Variants in CREB5 observed in about 807,000 individuals in gnomAD.
CREB5 encodes the protein cAMP responsive element binding protein 5, also known as cyclic AMP-responsive element-binding protein 5.
In CREB5, 19 loss-of-function variants were observed where a neutral mutation model predicts 57.1. That is an observed-to-expected ratio of 0.33 (90% CI 0.23 to 0.49). The LOEUF (loss-of-function observed/expected upper bound fraction) is 0.49, where lower values mean the gene tolerates loss of function less well. Ranked by LOEUF, CREB5 falls within the 20% of genes least tolerant of loss-of-function variation. The pLI is 0.99. For missense variants in CREB5, 579 were observed against 671.6 expected (o/e 0.86, Z 1.52); for synonymous variants, 238 against 238.3 (o/e 1.00, Z 0.01).
At chr7:28,306,070 T>C (rs1175723276) in intron 1 of CREB5, among the ~76,000 whole-genome samples, 3 of 152,188 alleles carry the variant, frequency 2.0e-5, no homozygotes, top group Non-Finnish European at 4.4e-5. Flanking sequence ...GCTACAGTTA[T>C]TCCTGGATGG....
At chr7:28,491,115 C>A in intron 2 of CREB5, 1 of 695,298 alleles carries the variant, frequency 1.4e-6, no homozygotes, top group African/African-American at 1.9e-5. Flanking sequence ...GCGGAGGTGG[C>A]AAGCATAGAG....
intron 1 of CREB5, among the ~76,000 whole-genome samples, chr7:28,415,811 A>G (rs1583435801): frequency 3.9e-5 from 6 of 152,360 alleles, no homozygotes; most frequent in African/African-American, 1.4e-4. Flanking sequence ...GTTAAAATAA[A>G]TAACCTTTTT....
At chr7:28,641,945 T>C (rs553765414) in intron 5 of CREB5, among the ~76,000 whole-genome samples, 121 of 152,312 alleles carry the variant, frequency 7.9e-4, no homozygotes, top group African/African-American at 2.9e-3. Context: ...CGTGTGTGTA[T>C]GTGCTCCTGT....
chr7:28,335,947 G>T (rs537640303), intron 1 of CREB5, among the ~76,000 whole-genome samples: 2 of 152,194 alleles, frequency 1.3e-5, no homozygotes, highest in South Asian at 4.1e-4. Flanking sequence ...AGCATCAATT[G>T]AAATGATCAT....
chr7:28,329,279 G>A (rs771258031), intron 1 of CREB5, among the ~76,000 whole-genome samples: 9 of 152,068 alleles, frequency 5.9e-5, no homozygotes, highest in Non-Finnish European at 1.2e-4. Context: ...GGCATCATGC[G>A]CTTCATCACT....
intron 5 of CREB5, among the ~76,000 whole-genome samples, chr7:28,646,414 G>A (rs1583473547): frequency 6.6e-6 from 1 of 152,256 alleles, no homozygotes; most frequent in East Asian, 1.9e-4. Flanking sequence ...TTCTCTAAAG[G>A]CCTGGTGCTG....
At chr7:28,395,902 T>C (rs1003125313) in intron 1 of CREB5, among the ~76,000 whole-genome samples, 5 of 152,134 alleles carry the variant, frequency 3.3e-5, no homozygotes, top group African/African-American at 1.2e-4. Flanking sequence ...GCTTGCTGAA[T>C]GCATGCCATT....
intron 1 of CREB5, among the ~76,000 whole-genome samples, chr7:28,355,095 T>C (rs1786313767): frequency 6.6e-6 from 1 of 152,260 alleles, no homozygotes; most frequent in Non-Finnish European, 1.5e-5. Context: ...CATGCATTAA[T>C]GCAAGTGACT....
At chr7:28,695,042 T>C (rs1203715202) in intron 5 of CREB5, among the ~76,000 whole-genome samples, 1 of 152,084 alleles carries the variant, frequency 6.6e-6, no homozygotes, top group Non-Finnish European at 1.5e-5. Flanking sequence ...CTGAGCAATG[T>C]AGGGAGACCC....
chr7:28,331,220 T>G (rs967467545), intron 1 of CREB5, among the ~76,000 whole-genome samples: 1 of 152,136 alleles, frequency 6.6e-6, no homozygotes, highest in Non-Finnish European at 1.5e-5. Flanking sequence ...GGAGCCCTTT[T>G]AGATTTTTTC....
At chr7:28,486,571 C>A (rs141633795) in intron 1 of CREB5, among the ~76,000 whole-genome samples, 1 of 148,526 alleles carries the variant, frequency 6.7e-6, no homozygotes, top group African/African-American at 2.5e-5. Context: ...ACGTACAAAT[C>A]GAACTCTAAG....
At chr7:28,670,413 T>G (rs559355503) in intron 5 of CREB5, among the ~76,000 whole-genome samples, 7 of 152,226 alleles carry the variant, frequency 4.6e-5, no homozygotes, top group African/African-American at 1.7e-4. Context: ...CTACTATATT[T>G]GAGCTCATTG....
chr7:28,441,750 T>C (rs944541789), intron 1 of CREB5, among the ~76,000 whole-genome samples: 1 of 152,226 alleles, frequency 6.6e-6, no homozygotes, highest in African/African-American at 2.4e-5. Flanking sequence ...CTGTGTCATT[T>C]GCTCAAAGTC....
chr7:28,814,639 GAC>G (rs888829787), intron 9 of CREB5, among the ~76,000 whole-genome samples: 11 of 152,148 alleles, frequency 7.2e-5, no homozygotes, highest in Non-Finnish European at 1.3e-4. Flanking sequence ...AATAGAAGGT[GAC>G]ACAGAATTGC....
intron 7 of CREB5, among the ~76,000 whole-genome samples, chr7:28,761,344 C>A (rs942909245): frequency 3.3e-5 from 5 of 152,206 alleles, no homozygotes; most frequent in Non-Finnish European, 7.3e-5. Context: ...CTTTCCTCAA[C>A]TGTAAATTGC....
intron 1 of CREB5, among the ~76,000 whole-genome samples, chr7:28,423,462 C>T (rs1300294433): frequency 6.6e-6 from 1 of 152,070 alleles, no homozygotes; most frequent in Non-Finnish European, 1.5e-5. Context: ...TTGTGGTTAT[C>T]CAGACAAGAG....
upstream of CREB5, chr7:28,410,674 C>G: frequency 2.5e-6 from 1 of 403,066 alleles, no homozygotes; most frequent in South Asian, 1.8e-5. Flanking sequence ...CGTTGTCAGT[C>G]TGCAGAATGT....
chr7:28,515,257 C>T (rs1792893892), intron 4 of CREB5, among the ~76,000 whole-genome samples: 1 of 152,156 alleles, frequency 6.6e-6, no homozygotes, highest in South Asian at 2.1e-4. Context: ...AAAAGGGAGC[C>T]AGTGGTTTAT....
intron 1 of CREB5, among the ~76,000 whole-genome samples, chr7:28,473,030 A>C (rs1003234355): frequency 2.6e-5 from 4 of 152,102 alleles, no homozygotes; most frequent in Non-Finnish European, 5.9e-5. Context: ...CTCAAACTAA[A>C]TGTCACCTGT....
Sources: allele counts gnomAD v4.1 joint callset (sites outside exome capture counted in the v4.1 genomes callset), GRCh38; gene constraint gnomAD v4.1.1; transcripts MANE v1.5; gene names NCBI Gene and HGNC (gene_info 2026-07-23, HGNC 2026-07-21).